The following LRRC4C variants were observed in gnomAD, a reference collection of about 807,000 sequenced individuals.
The protein encoded by LRRC4C is leucine rich repeat containing 4C.
A neutral mutation model predicts 33.6 loss-of-function variants in LRRC4C; 5 were observed. The ratio of observed to expected loss-of-function variants is 0.15; its 90% CI spans 0.08 to 0.31. The LOEUF (loss-of-function observed/expected upper bound fraction) is 0.31, where lower values mean the gene tolerates loss of function less well. Ranked by LOEUF, LRRC4C falls within the 10% of genes least tolerant of loss-of-function variation. The pLI, the probability that LRRC4C is intolerant of heterozygous loss-of-function variation, is 1.00. For missense variants in LRRC4C, 560 were observed against 796.7 expected (o/e 0.70, Z 3.58); for synonymous variants, 329 against 302.0 (o/e 1.09, Z -0.93).
At chr11:40,708,412 G>A (rs1283154724) in intron 2 of LRRC4C, among the ~76,000 whole-genome samples, 7 of 152,136 alleles carry the variant, frequency 4.6e-5, no homozygotes, top group East Asian at 3.9e-4. Flanking sequence ...GGTATGTTGT[G>A]TCTTTGTTCT....
chr11:40,142,292 A>C (rs1043975788), intron 5 of LRRC4C, among the ~76,000 whole-genome samples: 10 of 151,738 alleles, frequency 6.6e-5, no homozygotes, highest in South Asian at 4.2e-4. Context: ...AAAAAAAAAA[A>C]AAAAAAAAAA....
At chr11:40,994,746 T>C (rs1032964551) in intron 1 of LRRC4C, among the ~76,000 whole-genome samples, 1 of 152,164 alleles carries the variant, frequency 6.6e-6, no homozygotes, top group Non-Finnish European at 1.5e-5. Context: ...CCAACTTGGA[T>C]GGGCTCTTTC....
intron 1 of LRRC4C, among the ~76,000 whole-genome samples, chr11:41,376,471 C>T (rs1952940597): frequency 6.6e-6 from 1 of 152,024 alleles, no homozygotes; most frequent in Admixed American, 6.6e-5. Flanking sequence ...ACACCTGGCC[C>T]CAGGCAGTGA....
chr11:40,767,428 C>A (rs1189342593), intron 2 of LRRC4C, among the ~76,000 whole-genome samples: 1 of 151,916 alleles, frequency 6.6e-6, no homozygotes, highest in Non-Finnish European at 1.5e-5. Flanking sequence ...AGACAGAAAG[C>A]CAATAAAGAA....
intron 3 of LRRC4C, among the ~76,000 whole-genome samples, chr11:40,375,317 T>C (rs777765467): frequency 4.6e-5 from 7 of 152,154 alleles, no homozygotes; most frequent in Admixed American, 1.3e-4. Flanking sequence ...AAAGGTAAAG[T>C]CTTTGGTATT....
intron 5 of LRRC4C, among the ~76,000 whole-genome samples, chr11:40,201,008 T>G (rs941434200): frequency 2.0e-5 from 3 of 152,120 alleles, no homozygotes; most frequent in African/African-American, 7.2e-5. Context: ...CTTTATGCAA[T>G]AAGTTGAAGC....
At chr11:41,410,709 G>A (rs1331860760) in intron 1 of LRRC4C, among the ~76,000 whole-genome samples, 1 of 151,982 alleles carries the variant, frequency 6.6e-6, no homozygotes. Flanking sequence ...CAAAATGATG[G>A]GATTATAGGC....
intron 1 of LRRC4C, among the ~76,000 whole-genome samples, chr11:41,105,966 T>C (rs1941469225): frequency 6.6e-6 from 1 of 152,136 alleles, no homozygotes; most frequent in Admixed American, 6.6e-5. Context: ...TTACAGTCTC[T>C]TGCCTTTTTT....
chr11:40,815,704 T>C (rs1565094806), intron 2 of LRRC4C, among the ~76,000 whole-genome samples: 1 of 152,180 alleles, frequency 6.6e-6, no homozygotes, highest in Non-Finnish European at 1.5e-5. Flanking sequence ...GTTGTTACTG[T>C]TCTGTCAAAT....
At chr11:40,543,301 C>A (rs1001166796) in intron 3 of LRRC4C, among the ~76,000 whole-genome samples, 2 of 152,072 alleles carry the variant, frequency 1.3e-5, no homozygotes, top group African/African-American at 4.8e-5. Context: ...TGAAGGCTAG[C>A]ACTGTAAAGG....
At chr11:41,362,941 T>C (rs1330162494) in intron 1 of LRRC4C, among the ~76,000 whole-genome samples, 1 of 152,152 alleles carries the variant, frequency 6.6e-6, no homozygotes, top group Non-Finnish European at 1.5e-5. Flanking sequence ...CAAAATCACA[T>C]CTGCAAATTC....
At chr11:40,895,541 T>A (rs995117497) in intron 2 of LRRC4C, among the ~76,000 whole-genome samples, 1 of 152,196 alleles carries the variant, frequency 6.6e-6, no homozygotes, top group Non-Finnish European at 1.5e-5. Context: ...GGACATCATC[T>A]TCTGTGCCTG....
At chr11:40,218,759 C>T (rs1244534100) in intron 5 of LRRC4C, among the ~76,000 whole-genome samples, 1 of 151,594 alleles carries the variant, frequency 6.6e-6, no homozygotes, top group Admixed American at 6.6e-5. Flanking sequence ...ATCCATCTAT[C>T]CATCCATCCA....
intron 2 of LRRC4C, among the ~76,000 whole-genome samples, chr11:40,837,267 C>G (rs573185891): frequency 4.6e-5 from 7 of 152,068 alleles, no homozygotes; most frequent in African/African-American, 1.7e-4. Context: ...AATCTTAATG[C>G]TATAGTTACT....
intron 3 of LRRC4C, among the ~76,000 whole-genome samples, chr11:40,320,730 A>C (rs1186263460): frequency 2.0e-5 from 3 of 152,152 alleles, no homozygotes; most frequent in Non-Finnish European, 4.4e-5. Context: ...GCTTCGTACA[A>C]AATTGCCACT....
At chr11:40,612,897 A>G (rs1193950124) in intron 3 of LRRC4C, among the ~76,000 whole-genome samples, 1 of 151,946 alleles carries the variant, frequency 6.6e-6, no homozygotes. Context: ...CTCAGTGCAT[A>G]TAAAAGTTAT....
chr11:41,005,512 G>A (rs1854682542), intron 1 of LRRC4C, among the ~76,000 whole-genome samples: 1 of 152,184 alleles, frequency 6.6e-6, no homozygotes, highest in Non-Finnish European at 1.5e-5. Context: ...GCTGAGGCAA[G>A]AGAATTGCTT....
chr11:41,138,007 T>C (rs79050679), intron 1 of LRRC4C, among the ~76,000 whole-genome samples: 2,055 of 152,298 alleles, frequency 0.013, 23 homozygotes, highest in Non-Finnish European at 0.019. Context: ...AAAAATTAAG[T>C]AGCTAATCAA....
chr11:41,454,117 A>G (rs1018635650), intron 1 of LRRC4C, among the ~76,000 whole-genome samples: 1 of 152,142 alleles, frequency 6.6e-6, no homozygotes, highest in African/African-American at 2.4e-5. Context: ...GCACAGGGAA[A>G]GGCTGACTTT....
Sources: allele counts gnomAD v4.1 joint callset (sites outside exome capture counted in the v4.1 genomes callset), GRCh38; gene constraint gnomAD v4.1.1; transcripts MANE v1.5; gene names NCBI Gene and HGNC (gene_info 2026-07-23, HGNC 2026-07-21).